NSG2: variants seen among roughly 807,000 people sequenced by gnomAD.
NSG2 encodes the protein neuronal vesicle trafficking-associated protein 2.
Under a neutral mutation model 16.9 loss-of-function variants are expected in NSG2, and 4 were observed. That is an observed-to-expected ratio of 0.24 (90% confidence interval 0.12 to 0.54). The LOEUF is 0.54. NSG2 is among the 20% of genes least tolerant of loss of function. The pLI is 0.95. For synonymous variants in NSG2, 98 were observed against 88.7 expected (o/e 1.11, Z -0.59); for missense variants, 179 against 221.1 (o/e 0.81, Z 1.21).
At chr5:174,091,784 G>A (rs1760725800) in intron 3 of NSG2, among the ~76,000 whole-genome samples, 1 of 151,984 alleles carries the variant, frequency 6.6e-6, no homozygotes, top group South Asian at 2.1e-4. Context: ...TTGGATCCAG[G>A]CAAACCTGGC....
At chr5:174,070,458 CCCTGCCATTGT>C (rs1374280822) in intron 3 of NSG2, among the ~76,000 whole-genome samples, 1 of 152,162 alleles carries the variant, frequency 6.6e-6, no homozygotes, top group Non-Finnish European at 1.5e-5. Flanking sequence ...CTTGATGTCA[CCCTGCCATTGT>C]CCTGGCCAAG....
chr5:174,074,213 C>G (rs892927179), intron 3 of NSG2, among the ~76,000 whole-genome samples: 4 of 152,184 alleles, frequency 2.6e-5, no homozygotes, highest in African/African-American at 9.7e-5. Context: ...CCTGCGTTTC[C>G]CAATCTGCAA....
chr5:174,082,430 T>C (rs1457315149), intron 3 of NSG2: 1 of 152,252 alleles, frequency 6.6e-6, no homozygotes, highest in Non-Finnish European at 1.5e-5. Flanking sequence ...TTAGTCATCC[T>C]TGGATTTAGA....
chr5:174,107,259 G>A lies in NSG2; in HGVS notation c.325-55G>A, dbSNP rs1760996837. The A allele has an allele frequency of 1.4e-6, 2 of 1,458,674 alleles. No individual in the cohort carries two copies. The highest frequency in any genetic ancestry group is 1.8e-6 in the Non-Finnish European group (2 of 1,085,820). 90.4% of individuals were successfully genotyped at this position (1,458,674 alleles called of 1,614,324 possible). A position where few individuals can be genotyped will look rare whatever the true frequency, so the allele number is the denominator to read the frequency against. On this transcript the variant is annotated intron_variant, in intron 4 of 4. Coordinates refer to ENST00000303177, the MANE Select transcript of NSG2 (RefSeq NM_015980.5). The surrounding 1 kb of genome is among the most constrained non-coding windows in gnomAD (Gnocchi z 4.5). The stretch of plus-strand genomic sequence containing the variant: ...CCAGTCAGGGTGGCTGTGTTGCTGG[G>A]CAGGTTGGGAGCAGTTTGCTGAATG...
chr5:174,106,507 C>G (rs1379662302), intron 4 of NSG2, among the ~76,000 whole-genome samples: 1 of 145,844 alleles, frequency 6.9e-6, no homozygotes, highest in African/African-American at 2.6e-5. Flanking sequence ...CATATTGGTG[C>G]TATTTTGTGA....
chr5:174,105,402 T>C (rs953696282), intron 4 of NSG2, among the ~76,000 whole-genome samples: 4 of 152,248 alleles, frequency 2.6e-5, no homozygotes, highest in African/African-American at 9.6e-5. Flanking sequence ...TCCTCCATTA[T>C]ATACTTGCAT....
intron 2 of NSG2, among the ~76,000 whole-genome samples, chr5:174,048,170 T>G (rs1759831282): frequency 6.6e-6 from 1 of 152,200 alleles, no homozygotes; most frequent in Admixed American, 6.5e-5. Context: ...CAACTAACAC[T>G]AAAGAGATGA....
chr5:174,098,323 G>C (rs1760838664), intron 3 of NSG2, among the ~76,000 whole-genome samples: 1 of 152,154 alleles, frequency 6.6e-6, no homozygotes, highest in African/African-American at 2.4e-5. Context: ...TACCCCGACA[G>C]CACCAGGGCT....
At chr5:174,089,916 C>T (rs192350185) in intron 3 of NSG2, among the ~76,000 whole-genome samples, 1 of 152,310 alleles carries the variant, frequency 6.6e-6, no homozygotes, top group African/African-American at 2.4e-5. Flanking sequence ...CCACCACACC[C>T]AGCCAGGATG....
chr5:174,087,839 G>C (rs771067548), intron 3 of NSG2, among the ~76,000 whole-genome samples: 1 of 152,030 alleles, frequency 6.6e-6, no homozygotes, highest in South Asian at 2.1e-4. Context: ...ACTACATCAT[G>C]TTTTATAAAT....
At chr5:174,106,730 G>A (rs1424643029) in intron 4 of NSG2, among the ~76,000 whole-genome samples, 2 of 151,640 alleles carry the variant, frequency 1.3e-5, no homozygotes, top group Non-Finnish European at 2.9e-5. Context: ...GAGTAGCTGG[G>A]ATTACAGGTG....
chr5:174,046,638 A>T (rs978650140), intron 1 of NSG2, 96 bp from the exon 2 acceptor site: 8 of 1,034,990 alleles, frequency 7.7e-6, no homozygotes, highest in Non-Finnish European at 1.1e-5. Flanking sequence ...AAGCCACTTG[A>T]GTGGAGCTGT....
chr5:174,092,573 C>T (rs1261615433), intron 3 of NSG2, among the ~76,000 whole-genome samples: 4 of 152,146 alleles, frequency 2.6e-5, no homozygotes, highest in Non-Finnish European at 4.4e-5. Flanking sequence ...CGTGCTGAGG[C>T]GATAGTCGAA....
chr5:174,103,276 G>A (rs895390005), intron 3 of NSG2, among the ~76,000 whole-genome samples: 2 of 152,124 alleles, frequency 1.3e-5, no homozygotes. Flanking sequence ...GTATTTGAAG[G>A]CAGAAATGAT....
At chr5:174,053,764 T>C (rs759392436) in intron 2 of NSG2, among the ~76,000 whole-genome samples, 35 of 152,322 alleles carry the variant, frequency 2.3e-4, no homozygotes, top group Middle Eastern at 3.4e-3. Context: ...AATATACTTT[T>C]TTACCTACCA....
intron 3 of NSG2, among the ~76,000 whole-genome samples, chr5:174,102,697 T>C (rs966231375): frequency 6.6e-6 from 1 of 152,134 alleles, no homozygotes; most frequent in African/African-American, 2.4e-5. Context: ...AACTGGGTTA[T>C]ATTTAAGCTG....
At chr5:174,082,406 C>G (rs1760496227) in intron 3 of NSG2, 1 of 152,180 alleles carries the variant, frequency 6.6e-6, no homozygotes, top group Non-Finnish European at 1.5e-5. Context: ...TGCAGATTAC[C>G]CTTTAGGCTT....
At chr5:174,074,978 G>A (rs1415720133) in intron 3 of NSG2, among the ~76,000 whole-genome samples, 1 of 152,022 alleles carries the variant, frequency 6.6e-6, no homozygotes, top group Non-Finnish European at 1.5e-5. Context: ...CTGCTACCTA[G>A]CTGGATTGCT....
intron 2 of NSG2, 97 bp from the exon 3 acceptor site, chr5:174,064,135 C>T: frequency 3.7e-6 from 3 of 802,746 alleles, no homozygotes; most frequent in Non-Finnish European, 5.8e-6. Flanking sequence ...TTTTTTTGAT[C>T]TTTATGTCAT....
Sources: gnomAD v4.1 joint callset for allele counts (sites outside exome capture counted in the v4.1 genomes callset) on GRCh38, gnomAD v4.1.1 for gene constraint, Gnocchi (gnomAD v3.1) non-coding constraint, MANE v1.5 for transcripts, NCBI Gene and HGNC (gene_info 2026-07-23, HGNC 2026-07-21) for gene names.